Variants in CSMD1 observed in about 807,000 individuals in gnomAD.
CSMD1 encodes the protein CUB and sushi domain-containing protein 1.
CSMD1 carries 213 observed loss-of-function variants against 417.5 expected under a neutral mutation model. The ratio of observed to expected loss-of-function variants is 0.51; its 90% CI spans 0.46 to 0.57. The LOEUF (loss-of-function observed/expected upper bound fraction) is 0.57. CSMD1 is among the 20% of genes least tolerant of loss of function. The probability of loss-of-function intolerance (pLI) is 0.00; values close to 1 mark genes in which losing one functional copy is unlikely to be tolerated. For synonymous variants in CSMD1, 2,862 were observed against 1,736.8 expected (o/e 1.65, Z -16.11); for missense variants, 6,923 against 4,529.7 (o/e 1.53, Z -15.17).
chr8:3,144,304 C>T (rs1475690243), intron 40 of CSMD1, among the ~76,000 whole-genome samples: 1 of 152,100 alleles, frequency 6.6e-6, no homozygotes, highest in South Asian at 2.1e-4. Context: ...CAAGAGCTGA[C>T]AGTCTCATGA....
chr8:3,359,172 G>C lies in CSMD1; in HGVS notation c.3284C>G (p.Ala1095Gly). Reference sequence around the variant, plus strand: ...CCTACCCACACACCTTGGCAGAGGTGCACTCCACACACGGCGGCCCCCACC... The same window carrying C: ...CCTACCCACACACCTTGGCAGAGGTCCACTCCACACACGGCGGCCCCCACC... ...CLGGGRRVWSAPLPRCVAECG... is the reference protein window; with the variant it reads ...CLGGGRRVWSGPLPRCVAECG... The change falls in exon 21 of 70, where the codon GCA becomes GGA. Residue 1095 changes from alanine to glycine, a missense_variant. By Grantham distance (60) the Ala-to-Gly change is moderately conservative. Coordinates refer to ENST00000635120, the MANE Select transcript of CSMD1 (RefSeq NM_033225.6). 1.2e-6 allele frequency: 2 copies of C among 1,613,962 alleles called. No individual in the cohort carries two copies. The highest frequency in any genetic ancestry group is 1.7e-6 in the Non-Finnish European group (2 of 1,179,950).
chr8:3,827,288 C>T (rs1802110078), intron 5 of CSMD1, among the ~76,000 whole-genome samples: 2 of 152,084 alleles, frequency 1.3e-5, no homozygotes, highest in Admixed American at 1.3e-4. Flanking sequence ...ACATTTGAAC[C>T]ACATGTGGTT....
intron 7 of CSMD1, among the ~76,000 whole-genome samples, chr8:3,681,520 C>T (rs544308329): frequency 2.0e-5 from 3 of 152,300 alleles, no homozygotes; most frequent in Admixed American, 6.5e-5. Flanking sequence ...TTACAAACCA[C>T]TGCTCAATGA....
chr8:4,954,447 C>T (rs1369948665), intron 1 of CSMD1, among the ~76,000 whole-genome samples: 1 of 152,134 alleles, frequency 6.6e-6, no homozygotes, highest in Non-Finnish European at 1.5e-5. Flanking sequence ...GTATAGCTGA[C>T]ACCATTTATT....
intron 1 of CSMD1, among the ~76,000 whole-genome samples, chr8:4,966,494 G>A (rs17348819): frequency 0.01 from 1,526 of 152,196 alleles, 5 homozygotes; most frequent in Non-Finnish European, 0.012. Flanking sequence ...GACACATCGC[G>A]AGGCCCTTAA....
chr8:3,784,559 G>T (rs1019312569), intron 5 of CSMD1, among the ~76,000 whole-genome samples: 1 of 152,132 alleles, frequency 6.6e-6, no homozygotes, highest in African/African-American at 2.4e-5. Flanking sequence ...GTCATAAAAT[G>T]AATATTTAAA....
intron 8 of CSMD1, among the ~76,000 whole-genome samples, chr8:3,593,249 C>T (rs186398025): frequency 1.1e-3 from 174 of 152,320 alleles, no homozygotes; most frequent in African/African-American, 4.0e-3. Context: ...GACAGAACCC[C>T]CGCGTTGTGT....
At chr8:4,618,201 C>G (rs1047580691) in intron 2 of CSMD1, among the ~76,000 whole-genome samples, 2 of 152,070 alleles carry the variant, frequency 1.3e-5, no homozygotes, top group African/African-American at 4.8e-5. Context: ...CCAACAATTT[C>G]CCCCATCTGG....
At chr8:4,205,660 G>T (rs574621584) in intron 3 of CSMD1, among the ~76,000 whole-genome samples, 4 of 152,010 alleles carry the variant, frequency 2.6e-5, no homozygotes, top group African/African-American at 9.7e-5. Flanking sequence ...TGTAACGGCT[G>T]TTGTGGCTCA....
At chr8:4,838,514 T>A (rs769684695) in intron 1 of CSMD1, among the ~76,000 whole-genome samples, 4 of 152,220 alleles carry the variant, frequency 2.6e-5, no homozygotes, top group Non-Finnish European at 5.9e-5. Flanking sequence ...AACTTTCCCT[T>A]GATGGGGCAA....
intron 2 of CSMD1, among the ~76,000 whole-genome samples, chr8:4,584,465 G>A (rs958127284): frequency 1.7e-4 from 26 of 152,130 alleles, no homozygotes; most frequent in Middle Eastern, 6.8e-3. Flanking sequence ...CGTGGCCGCC[G>A]GACTAAAGAA....
chr8:4,077,155 C>T (rs905620747), intron 3 of CSMD1, among the ~76,000 whole-genome samples: 1 of 151,366 alleles, frequency 6.6e-6, no homozygotes, highest in Non-Finnish European at 1.5e-5. Context: ...ATGACGCATC[C>T]AACTGCACCC....
At chr8:3,614,236 C>G (rs951520511) in intron 8 of CSMD1, among the ~76,000 whole-genome samples, 1 of 152,022 alleles carries the variant, frequency 6.6e-6, no homozygotes, top group African/African-American at 2.4e-5. Context: ...TCCCAAAAAA[C>G]TAGGAAAGTG....
chr8:3,955,736 AAG>A (rs1811896996), intron 5 of CSMD1, among the ~76,000 whole-genome samples: 1 of 102,590 alleles, frequency 9.7e-6, no homozygotes, highest in Admixed American at 1.3e-4. Context: ...TGCCTCAAGT[AAG>A]AAAAAAACAG....
In CSMD1 at chr8:3,230,083, C is replaced by G. The variant is rs764523910; in HGVS notation, c.4302G>C (p.Leu1434=). 1.9e-6 allele frequency: 3 copies of G among 1,611,852 alleles called. No individual in the cohort carries two copies. Among genetic ancestry groups the G allele is most frequent in the East Asian group, 4.5e-5 (2 of 44,816 alleles). Residue 1434 remains leucine (L), a synonymous_variant, in exon 27 of 70, where the codon CTG becomes CTC. Coordinates refer to ENST00000635120, the MANE Select transcript of CSMD1 (RefSeq NM_033225.6). ...CTGGTTGCCAAAAGAACCGGTTATTCAGCTGCACACAGGTGATTTTGGCTT... is the reference window on the plus strand; with the variant it reads ...CTGGTTGCCAAAAGAACCGGTTATTGAGCTGCACACAGGTGATTTTGGCTT... ...QGQAKITCVQ[L]NNRFFWQPDP... is the part of the protein sequence containing the mutation.
At chr8:4,972,660 AGACAAATCGTT>A (rs1342995753) in intron 1 of CSMD1, among the ~76,000 whole-genome samples, 1 of 151,798 alleles carries the variant, frequency 6.6e-6, no homozygotes, top group Non-Finnish European at 1.5e-5. Flanking sequence ...CAATATTCAA[AGACAAATCGTT>A]GACTTTCCTT....
At chr8:3,819,556 ACAC>A (rs1440154358) in intron 5 of CSMD1, among the ~76,000 whole-genome samples, 1 of 83,412 alleles carries the variant, frequency 1.2e-5, no homozygotes, top group African/African-American at 5.1e-5. Context: ...ACACACACAC[ACAC>A]ACGTATGTAT....
At chr8:4,098,014 T>C (rs753496753) in intron 3 of CSMD1, among the ~76,000 whole-genome samples, 1 of 152,162 alleles carries the variant, frequency 6.6e-6, no homozygotes, top group Non-Finnish European at 1.5e-5. Context: ...TCAAGAGTGA[T>C]TTGCAGGAGT....
intron 1 of CSMD1, among the ~76,000 whole-genome samples, chr8:4,950,044 A>C (rs2117278093): frequency 6.6e-6 from 1 of 152,292 alleles, no homozygotes; most frequent in Middle Eastern, 3.4e-3. Context: ...ATAATGGCAC[A>C]GGGAAGAACC....
Sources: gnomAD v4.1 joint callset for allele counts (sites outside exome capture counted in the v4.1 genomes callset) on GRCh38, gnomAD v4.1.1 for gene constraint, MANE v1.5 for transcripts, NCBI Gene and HGNC (gene_info 2026-07-23, HGNC 2026-07-21) for gene names.